The following ANK3 variants were observed in gnomAD, a reference collection of about 807,000 sequenced individuals.
ANK3 encodes the protein ankyrin 3.
In ANK3, 57 loss-of-function variants were observed where a neutral mutation model predicts 370.9. The observed-to-expected ratio is 0.15, with a 90% CI of 0.12 to 0.19. The LOEUF (loss-of-function observed/expected upper bound fraction) is 0.19. Among genes scored for constraint, ANK3 ranks in the 10% least tolerant of loss-of-function variants. The pLI, the probability that ANK3 is intolerant of heterozygous loss-of-function variation, is 1.00. For synonymous variants in ANK3, 1,929 were observed against 1,946.3 expected (o/e 0.99, Z 0.23); for missense variants, 4,439 against 5,302.1 (o/e 0.84, Z 5.06).
chr10:60,706,528 T>TA (rs1383393171), intron 1 of ANK3, among the ~76,000 whole-genome samples: 8 of 150,556 alleles, frequency 5.3e-5, no homozygotes, highest in South Asian at 2.1e-4. Context: ...AGAATGCTCC[T>TA]AACCAAAAAA....
chr10:60,469,042 T>TATATAC (rs1399802323), intron 2 of ANK3, among the ~76,000 whole-genome samples: 5 of 98,202 alleles, frequency 5.1e-5, no homozygotes, highest in African/African-American at 1.9e-4. Context: ...TATATATATA[T>TATATAC]ATATATATAT....
chr10:60,713,291 A>C (rs943008878), intron 1 of ANK3, among the ~76,000 whole-genome samples: 1 of 152,190 alleles, frequency 6.6e-6, no homozygotes, highest in African/African-American at 2.4e-5. Context: ...GCTATAAACA[A>C]GTAATAGAAA....
chr10:60,488,077 T>C (rs564774800), intron 2 of ANK3, among the ~76,000 whole-genome samples: 45 of 152,252 alleles, frequency 3.0e-4, no homozygotes, highest in African/African-American at 1.1e-3. Context: ...GAGTGCTTTT[T>C]CTACTATACC....
At position 60,279,083 on chromosome 10, in the gene ANK3, C is replaced by T; in HGVS notation, c.282G>A (p.Leu94=). 1.9e-6 allele frequency: 3 copies of T among 1,613,944 alleles called. No individual in the cohort carries two copies. The highest frequency in any genetic ancestry group is 1.1e-5 in the South Asian group (1 of 91,080). ...CTGCATCCACATTGGCTTCTCTCTG[C>T]AGCAGCTCAGAAACAACCTCTACAT... ...EGHVEVVSEL[L]QREANVDAAT... The change falls in exon 3 of 44, where the codon CTG becomes CTA. Residue 94 remains leucine, a synonymous_variant. Coordinates refer to ENST00000280772, the MANE Select transcript of ANK3 (RefSeq NM_020987.5).
At chr10:60,188,018 CT>C (rs2096388306) in intron 16 of ANK3, among the ~76,000 whole-genome samples, 2 of 152,142 alleles carry the variant, frequency 1.3e-5, no homozygotes, top group Non-Finnish European at 2.9e-5. Flanking sequence ...TTTAGTGGCA[CT>C]CTTTTGTTTA....
At chr10:60,597,681 A>G (rs1166763059) in intron 2 of ANK3, among the ~76,000 whole-genome samples, 1 of 152,210 alleles carries the variant, frequency 6.6e-6, no homozygotes, top group Non-Finnish European at 1.5e-5. Flanking sequence ...AAGAGTTTCA[A>G]TAGAGCTTTC....
At chr10:60,475,448 T>C (rs1030350330) in intron 2 of ANK3, among the ~76,000 whole-genome samples, 1 of 152,196 alleles carries the variant, frequency 6.6e-6, no homozygotes, top group Non-Finnish European at 1.5e-5. Context: ...ATCAGCTCTA[T>C]AGACATGTTT....
intron 1 of ANK3, among the ~76,000 whole-genome samples, chr10:60,285,233 C>T (rs1169838540): frequency 2.6e-5 from 4 of 152,186 alleles, no homozygotes; most frequent in East Asian, 3.9e-4. Context: ...AATTAGATAA[C>T]TCAGGTAATT....
intron 21 of ANK3, among the ~76,000 whole-genome samples, chr10:60,169,364 G>GTTT (rs71015773): frequency 0.048 from 2,447 of 51,508 alleles, 75 homozygotes; most frequent in Non-Finnish European, 0.072. Context: ...TTGTCTCATA[G>GTTT]TTTTTTTTTT....
At chr10:60,618,834 G>A (rs764366388) in intron 1 of ANK3, among the ~76,000 whole-genome samples, 4 of 152,066 alleles carry the variant, frequency 2.6e-5, no homozygotes, top group Non-Finnish European at 5.9e-5. Flanking sequence ...TTATGGAAGG[G>A]CAAGTTTGGC....
rs562676999 is a variant in ANK3 at position 60,073,115 on chromosome 10, G to A, written c.7766C>T (p.Thr2589Ile). 8.1e-6 allele frequency: 13 copies of A among 1,614,080 alleles called. No homozygotes were observed. Among genetic ancestry groups the A allele is most frequent in the Admixed American group, 1.7e-5 (1 of 60,000 alleles). Residue 2589 changes from threonine to isoleucine, a missense_variant, in exon 37 of 44, where the codon ACT becomes ATT. Around this residue, in one of 13 missense-constraint regions of ANK3, gnomAD observed 1,601 missense variants for 1,731.7 expected, o/e 0.92. Transcript: ENST00000280772. ...GTCACGAAAAAACTGTGACACTTCA[G>A]TCAGTTTTTCTTCAGCCTCCTTCAC... ...RTVKEAEEKL[T>I]EVSQFFRDKT...
chr10:60,315,263 T>C lies in ANK3; in HGVS notation c.115-35624A>G, dbSNP rs188124544. Among the ~76,000 whole-genome samples the C allele has an allele frequency of 5.2e-4, 79 of 152,332 alleles. 1 individual carries two copies. In the East Asian group the frequency reaches 0.014, roughly 27 times the overall value. ...AACAGAATGGATTCCCAACTTGACATTGTTTTTATATTTCCTAGAATATTA... is the reference window on the plus strand; with the variant it reads ...AACAGAATGGATTCCCAACTTGACACTGTTTTTATATTTCCTAGAATATTA... On this transcript the variant is annotated intron_variant, in intron 1 of 43. Coordinates refer to ENST00000280772, the MANE Select transcript of ANK3 (RefSeq NM_020987.5).
intron 1 of ANK3, among the ~76,000 whole-genome samples, chr10:60,693,305 C>T (rs1181788124): frequency 2.6e-5 from 4 of 152,218 alleles, no homozygotes; most frequent in Non-Finnish European, 5.9e-5. Context: ...AACTGCAAGG[C>T]AGCAGTGAGG....
chr10:60,411,613 T>C (rs1268243025), intron 2 of ANK3, among the ~76,000 whole-genome samples: 3 of 151,936 alleles, frequency 2.0e-5, no homozygotes, highest in African/African-American at 7.3e-5. Context: ...ACCAACCCTG[T>C]AGAAGTAGGA....
intron 43 of ANK3, among the ~76,000 whole-genome samples, chr10:60,039,511 T>A (rs1298375299): frequency 2.0e-5 from 3 of 152,176 alleles, no homozygotes; most frequent in Admixed American, 6.5e-5. Context: ...TAAGAAGAAA[T>A]TTACGACAGG....
chr10:60,399,740 T>G (rs979110793), intron 2 of ANK3, among the ~76,000 whole-genome samples: 1 of 152,216 alleles, frequency 6.6e-6, no homozygotes, highest in Non-Finnish European at 1.5e-5. Flanking sequence ...ATCTAGGTTT[T>G]GCTCCTTCCC....
At chr10:60,088,468 C>A in intron 28 of ANK3, 110 bp from the exon 29 acceptor site, 1 of 967,500 alleles carries the variant, frequency 1.0e-6, no homozygotes, top group Non-Finnish European at 1.5e-6. Context: ...TCTTGTTACC[C>A]AGGCTGAAGT....
intron 1 of ANK3, among the ~76,000 whole-genome samples, chr10:60,357,425 A>C (rs1192773856): frequency 6.6e-6 from 1 of 150,652 alleles, no homozygotes; most frequent in Admixed American, 6.6e-5. Context: ...ACTATCGATC[A>C]CCTCCCTCTT....
Position 60,074,925 on chromosome 10 carries a change from C to T in ANK3, c.5956G>A (p.Glu1986Lys). 6.2e-7 allele frequency: 1 copy of T among 1,614,116 alleles called. No homozygotes were observed. Among genetic ancestry groups the T allele is most frequent in the Non-Finnish European group, 8.5e-7 (1 of 1,180,012 alleles). ...GAACTAAATTCTATCCAGTCATCTT[C>T]AGGAGAGTGTCCTTTGTCACTCTTT... ...SPKSDKGHSPEDDWIEFSSEE... is the reference protein window; with the variant it reads ...SPKSDKGHSPKDDWIEFSSEE... The change falls in exon 37 of 44, where the codon GAA becomes AAA. Residue 1986 changes from glutamate (E) to lysine (K), a missense_variant. Glu to Lys is a moderately conservative substitution (Grantham distance 56). This residue lies in a region of ANK3 where 679 missense variants were observed against 791.0 expected (regional missense o/e 0.86). Coordinates refer to ENST00000280772, the MANE Select transcript of ANK3 (RefSeq NM_020987.5).
Sources: allele counts gnomAD v4.1 joint callset (sites outside exome capture counted in the v4.1 genomes callset), GRCh38; gene constraint gnomAD v4.1.1; regional missense constraint gnomAD v4.1.1; transcripts MANE v1.5; gene names NCBI Gene and HGNC (gene_info 2026-07-23, HGNC 2026-07-21).